TPD52: variants seen among roughly 807,000 people sequenced by gnomAD.
TPD52 encodes the protein tumor protein D52.
TPD52 carries 17 observed loss-of-function variants against 31.3 expected under a neutral mutation model. The ratio of observed to expected loss-of-function variants is 0.54; its 90% CI spans 0.37 to 0.82. The LOEUF is 0.82. Ranked by LOEUF, TPD52 falls within the 40% of genes least tolerant of loss-of-function variation. TPD52 has a pLI of 0.00. For missense variants in TPD52, 212 were observed against 240.1 expected (o/e 0.88, Z 0.77); for synonymous variants, 83 against 89.6 (o/e 0.93, Z 0.42).
chr8:80,155,623 C>T (rs1261856907), intron 1 of TPD52, among the ~76,000 whole-genome samples: 1 of 152,140 alleles, frequency 6.6e-6, no homozygotes, highest in Non-Finnish European at 1.5e-5. Context: ...GTGGCTCACG[C>T]CTGTAATCTC....
chr8:80,152,780 C>CAAAAGAAAAAAA (rs1810670419), intron 1 of TPD52, among the ~76,000 whole-genome samples: 1 of 83,546 alleles, frequency 1.2e-5, no homozygotes, highest in Non-Finnish European at 2.2e-5. Context: ...GACTCCGTCT[C>CAAAAGAAAAAAA]AAAAAAAAAA....
At chr8:80,048,434 C>A (rs1265388171) in intron 5 of TPD52, among the ~76,000 whole-genome samples, 1 of 152,110 alleles carries the variant, frequency 6.6e-6, no homozygotes, top group East Asian at 1.9e-4. Flanking sequence ...TAAAATGGAC[C>A]TAGAACAAAC....
At chr8:80,072,757 A>C (rs545646515) in intron 1 of TPD52, among the ~76,000 whole-genome samples, 1 of 150,982 alleles carries the variant, frequency 6.6e-6, no homozygotes, top group African/African-American at 2.5e-5. Flanking sequence ...ATATATACAT[A>C]TATACACACA....
chr8:80,100,998 T>TA (rs1806689311), intron 1 of TPD52, among the ~76,000 whole-genome samples: 1 of 152,240 alleles, frequency 6.6e-6, no homozygotes, highest in South Asian at 2.1e-4. Context: ...ATTTAACCGT[T>TA]ACATCATTCC....
chr8:80,090,180 C>T (rs1816149848), intron 1 of TPD52, among the ~76,000 whole-genome samples: 1 of 152,066 alleles, frequency 6.6e-6, no homozygotes, highest in Non-Finnish European at 1.5e-5. Context: ...TAGCTTGAGG[C>T]CTGGAGTTCA....
chr8:80,154,682 T>C lies in TPD52; in HGVS notation c.19+16743A>G, dbSNP rs1352149060. On this transcript the variant is annotated intron_variant, in intron 1 of 7. Transcript: ENST00000518937. ...TTCTCAATTAATAATTCAAAATGTT[T>C]CTTCTATGCTTTGAATCATGACATA... Among the ~76,000 whole-genome samples the C allele has an allele frequency of 2.7e-5, 4 of 149,796 alleles. No individual in the cohort carries two copies. The East Asian group carries it at 7.9e-4, about 30-fold the overall frequency.
intron 1 of TPD52, among the ~76,000 whole-genome samples, chr8:80,166,903 T>TA (rs1196024177): frequency 3.3e-5 from 5 of 151,970 alleles, no homozygotes; most frequent in African/African-American, 4.8e-5. Flanking sequence ...GAGACACTGT[T>TA]AAAAAAAATA....
chr8:80,087,501 C>CAA (rs1345000990), intron 1 of TPD52, among the ~76,000 whole-genome samples: 1 of 152,110 alleles, frequency 6.6e-6, no homozygotes, highest in African/African-American at 2.4e-5. Flanking sequence ...AACAAACAAA[C>CAA]AAAAAACAAG....
intron 1 of TPD52, among the ~76,000 whole-genome samples, chr8:80,096,512 C>T (rs1816755430): frequency 1.3e-5 from 2 of 152,164 alleles, no homozygotes; most frequent in Admixed American, 1.3e-4. Flanking sequence ...AGGTTTATGG[C>T]AACACTGTGT....
chr8:80,145,725 T>C (rs967372842), intron 1 of TPD52, among the ~76,000 whole-genome samples: 2 of 152,194 alleles, frequency 1.3e-5, no homozygotes, highest in African/African-American at 4.8e-5. Flanking sequence ...AATGACTCAG[T>C]TTCTCTACAA....
chr8:80,169,274 C>G (rs1406046259), intron 1 of TPD52, among the ~76,000 whole-genome samples: 2 of 152,176 alleles, frequency 1.3e-5, no homozygotes, highest in Non-Finnish European at 2.9e-5. Context: ...AGCCACCGCA[C>G]CCAGCCTTGG....
chr8:80,162,640 A>C (rs1205121469), intron 1 of TPD52, among the ~76,000 whole-genome samples: 1 of 152,182 alleles, frequency 6.6e-6, no homozygotes, highest in Non-Finnish European at 1.5e-5. Context: ...GAGAAAAGAA[A>C]AAAAAGACAA....
In TPD52 at chr8:80,126,334, T is replaced by C. The variant is rs141689657; in HGVS notation, c.19+45091A>G. On this transcript the variant is annotated intron_variant, in intron 1 of 7. Coordinates refer to ENST00000518937, the MANE Select transcript of TPD52 (RefSeq NM_001025253.3). Reference sequence around the variant, plus strand: ...GAAAAATATTTTTGCTTTTTTATTTTTCTTTTCATTTTGAAATACTCATTG... The same window carrying C: ...GAAAAATATTTTTGCTTTTTTATTTCTCTTTTCATTTTGAAATACTCATTG... 3.3e-5 allele frequency among the ~76,000 whole-genome samples: 5 copies of C among 152,008 alleles called. No homozygotes were observed. In the East Asian group the frequency reaches 9.6e-4, roughly 29 times the overall value.
intron 1 of TPD52, among the ~76,000 whole-genome samples, chr8:80,104,380 A>G (rs1393582745): frequency 1.3e-5 from 2 of 152,180 alleles, no homozygotes; most frequent in Non-Finnish European, 2.9e-5. Context: ...TTTAGTGGCT[A>G]CAAAGTGGAA....
chr8:80,124,068 T>C (rs1005386145), intron 1 of TPD52, among the ~76,000 whole-genome samples: 1 of 152,024 alleles, frequency 6.6e-6, no homozygotes, highest in South Asian at 2.1e-4. Context: ...CATCCCTCTT[T>C]GGAGAACTGT....
intron 2 of TPD52, among the ~76,000 whole-genome samples, chr8:80,055,702 C>A (rs1375373151): frequency 6.6e-6 from 1 of 152,100 alleles, no homozygotes; most frequent in African/African-American, 2.4e-5. Flanking sequence ...AACAAACAAG[C>A]AATCCCATTT....
At chr8:80,063,595 C>T (rs1246343085) in intron 2 of TPD52, among the ~76,000 whole-genome samples, 1 of 151,936 alleles carries the variant, frequency 6.6e-6, no homozygotes, top group African/African-American at 2.4e-5. Flanking sequence ...GTCAGGAGTT[C>T]GAAACCAGCC....
At chr8:80,171,175 T>A (rs1202017520) in intron 1 of TPD52, 2 of 697,418 alleles carry the variant, frequency 2.9e-6, no homozygotes, top group South Asian at 1.5e-5. Flanking sequence ...CCCAGAACCT[T>A]CTCTCCCTCT....
At chr8:80,099,509 CTTT>C (rs756408673) in intron 1 of TPD52, among the ~76,000 whole-genome samples, 17 of 134,552 alleles carry the variant, frequency 1.3e-4, no homozygotes, top group African/African-American at 4.1e-4. Context: ...GGTCTAACAT[CTTT>C]TTTTTTTTTT....
Sources: gnomAD v4.1 joint callset for allele counts (sites outside exome capture counted in the v4.1 genomes callset) on GRCh38, gnomAD v4.1.1 for gene constraint, MANE v1.5 for transcripts, NCBI Gene and HGNC (gene_info 2026-07-23, HGNC 2026-07-21) for gene names.